Variants in CCDC63 observed in about 807,000 individuals in gnomAD.
CCDC63 encodes coiled-coil domain-containing protein 63.
Under a neutral mutation model 63.6 loss-of-function variants are expected in CCDC63, and 54 were observed. The observed-to-expected ratio is 0.85, with a 90% CI of 0.68 to 1.07. CCDC63 has a LOEUF of 1.07. CCDC63 is among the 50% of genes least tolerant of loss of function. The probability of loss-of-function intolerance (pLI) is 0.00; values close to 1 mark genes in which losing one functional copy is unlikely to be tolerated. For synonymous variants in CCDC63, 253 were observed against 266.1 expected (o/e 0.95, Z 0.48); for missense variants, 637 against 689.6 (o/e 0.92, Z 0.86).
chr12:110,860,777 C>T (rs1211936403), intron 4 of CCDC63, among the ~76,000 whole-genome samples: 6 of 152,094 alleles, frequency 3.9e-5, no homozygotes, highest in African/African-American at 1.2e-4. Flanking sequence ...TTAGTACAGA[C>T]GGGGTTTCAC....
At chr12:110,902,692 G>C (rs1424069675) in intron 10 of CCDC63, among the ~76,000 whole-genome samples, 1 of 151,996 alleles carries the variant, frequency 6.6e-6, no homozygotes, top group Non-Finnish European at 1.5e-5. Context: ...AGATATGATA[G>C]CAAATTTTGG....
intron 1 of CCDC63, 83 bp downstream of exon 1, chr12:110,847,188 C>A: frequency 6.6e-6 from 1 of 152,380 alleles, no homozygotes; most frequent in South Asian, 2.1e-4. Context: ...TCGCGGTCCC[C>A]AGTCCATTCA....
intron 7 of CCDC63, among the ~76,000 whole-genome samples, chr12:110,883,135 T>G (rs1447513912): frequency 6.6e-6 from 1 of 151,870 alleles, no homozygotes; most frequent in Non-Finnish European, 1.5e-5. Flanking sequence ...CCTCCTGGGT[T>G]CAAGTGATTC....
chr12:110,902,042 G>A (rs2071495081), intron 10 of CCDC63, among the ~76,000 whole-genome samples: 1 of 152,088 alleles, frequency 6.6e-6, no homozygotes, highest in African/African-American at 2.4e-5. Flanking sequence ...CGTTGGCCAG[G>A]CTGTTCTCAA....
intron 7 of CCDC63, among the ~76,000 whole-genome samples, chr12:110,882,247 C>T (rs1456999963): frequency 6.6e-6 from 1 of 152,184 alleles, no homozygotes; most frequent in African/African-American, 2.4e-5. Context: ...CATGGTGGCT[C>T]ATGCCTGTAA....
intron 4 of CCDC63, among the ~76,000 whole-genome samples, chr12:110,872,654 G>A (rs1211050187): frequency 6.6e-6 from 1 of 152,052 alleles, no homozygotes; most frequent in Non-Finnish European, 1.5e-5. Context: ...TTTAAGATAG[G>A]GTCTTGCTCT....
chr12:110,852,221 A>G (rs1470339679), intron 1 of CCDC63, among the ~76,000 whole-genome samples: 2 of 152,080 alleles, frequency 1.3e-5, no homozygotes, highest in Non-Finnish European at 2.9e-5. Flanking sequence ...AGTTGGGCAC[A>G]TTTCTATTTA....
intron 10 of CCDC63, among the ~76,000 whole-genome samples, chr12:110,899,343 G>C (rs1022759046): frequency 5.3e-5 from 8 of 152,162 alleles, no homozygotes; most frequent in African/African-American, 1.9e-4. Context: ...TTTTGAGACA[G>C]GGTCTTGCTC....
chr12:110,867,062 T>G (rs1222930509), intron 4 of CCDC63, among the ~76,000 whole-genome samples: 2 of 126,948 alleles, frequency 1.6e-5, no homozygotes, highest in African/African-American at 3.0e-5. Context: ...CACCTCCCAG[T>G]AGGGGCGGCC....
In CCDC63 at chr12:110,883,431, G is replaced by A. The variant is rs571204152; in HGVS notation, c.854-599G>A. ...CAACCCCTGTGCTGGGATTACAGGT[G>A]TGAGCTACCATGCCCGGCCAGGGCA... On this transcript the variant is annotated intron_variant, in intron 7 of 11. Transcript: ENST00000308208. 1.3e-4 allele frequency among the ~76,000 whole-genome samples: 20 copies of A among 152,298 alleles called. 1 individual carries two copies. In the South Asian group the frequency reaches 3.7e-3, roughly 28 times the overall value.
intron 3 of CCDC63, among the ~76,000 whole-genome samples, chr12:110,857,575 C>T (rs2070790317): frequency 1.3e-5 from 2 of 152,308 alleles, no homozygotes; most frequent in Admixed American, 6.5e-5. Context: ...AAAGGACATT[C>T]ATGCTACTGA....
At chr12:110,900,872 A>T (rs144046680) in intron 10 of CCDC63, among the ~76,000 whole-genome samples, 1,670 of 152,308 alleles carry the variant, frequency 0.011, 21 homozygotes, top group African/African-American at 0.039. Context: ...TGCTGGGATT[A>T]CAGGCGTGAG....
At chr12:110,863,246 G>A (rs764961320) in intron 4 of CCDC63, among the ~76,000 whole-genome samples, 17 of 147,296 alleles carry the variant, frequency 1.2e-4, no homozygotes, top group Non-Finnish European at 1.9e-4. Context: ...CTTTAGTCTC[G>A]CTTTGAGTGA....
chr12:110,873,833 CTT>C lies in CCDC63; in HGVS notation c.370-5_370-4del. The C allele has an allele frequency of 6.2e-7, 1 of 1,610,556 alleles. No individual in the cohort carries two copies. Among genetic ancestry groups the C allele is most frequent in the Non-Finnish European group, 8.5e-7 (1 of 1,178,730 alleles). On this transcript the variant is annotated splice_polypyrimidine_tract_variant and splice_region_variant and intron_variant, in intron 4 of 11. Coordinates refer to ENST00000308208, the MANE Select transcript of CCDC63 (RefSeq NM_152591.3). Reference sequence around the variant, plus strand: ...ACAGCTGGAATTTCTCTCTCTCTCTCTTTTTCAGATTCTTCAGATGGAAAAAA... The same window carrying C: ...ACAGCTGGAATTTCTCTCTCTCTCTCTTTCAGATTCTTCAGATGGAAAAAA...
intron 6 of CCDC63, among the ~76,000 whole-genome samples, chr12:110,880,720 A>G (rs1369822914): frequency 3.6e-5 from 1 of 27,838 alleles, no homozygotes; most frequent in African/African-American, 1.3e-4. Context: ...GATGGTGATG[A>G]TGGTTATAGT....
In CCDC63 at chr12:110,858,668, C is replaced by G. The variant is rs536918818; in HGVS notation, c.262C>G (p.Arg88Gly). 1.2e-6 allele frequency: 2 copies of G among 1,613,960 alleles called. No individual in the cohort carries two copies. The highest frequency in any genetic ancestry group is 1.3e-5 in the African/African-American group (1 of 75,004). Residue 88 changes from arginine (R) to glycine (G), a missense_variant, in exon 4 of 12, where the codon CGG (arginine) becomes GGG (glycine). Arg to Gly is a moderately radical substitution (Grantham distance 125). Transcript: ENST00000308208. ...CATGAAATCCTCGAGGAACATGAAT[C>G]GGAGTGAGAAGAACTACATGGAGCT... is the stretch of plus-strand genomic sequence containing the variant. ...SLMKSSRNMN[R>G]SEKNYMELRL...
intron 10 of CCDC63, among the ~76,000 whole-genome samples, chr12:110,899,804 T>G (rs1271184027): frequency 2.0e-5 from 3 of 151,852 alleles, no homozygotes; most frequent in African/African-American, 7.3e-5. Flanking sequence ...TATCAATAAA[T>G]GTAGAAGCAT....
chr12:110,905,314 A>G (rs1314373683), intron 11 of CCDC63, among the ~76,000 whole-genome samples: 2 of 152,118 alleles, frequency 1.3e-5, no homozygotes, highest in Non-Finnish European at 2.9e-5. Context: ...GAAATGGTCA[A>G]CTGTGGCTCT....
chr12:110,907,260 G>A lies in CCDC63; in HGVS notation c.1547-71G>A, dbSNP rs1000334206. 1.8e-5 allele frequency: 27 copies of A among 1,521,284 alleles called. No individual in the cohort carries two copies. The highest frequency in any genetic ancestry group is 1.6e-4 in the African/African-American group (12 of 73,180). The allele number at this position is 1,521,284 out of a possible 1,614,324, so 94.2% of individuals were successfully genotyped here. On this transcript the variant is annotated intron_variant, in intron 11 of 11. Transcript: ENST00000308208. This position sits in a 1 kb window ranked among gnomAD's most constrained non-coding sequence, Gnocchi z 4.4. ...CCACTCCCCAGTGCTATGGAGGGAC[G>A]CCAAACCAGGCTTAGCCCCAGCCCT...
Sources: gnomAD v4.1 joint callset for allele counts (sites outside exome capture counted in the v4.1 genomes callset) on GRCh38, gnomAD v4.1.1 for gene constraint, Gnocchi (gnomAD v3.1) non-coding constraint, MANE v1.5 for transcripts, NCBI Gene and HGNC (gene_info 2026-07-23, HGNC 2026-07-21) for gene names.